Variants in KIAA0319L observed in about 807,000 individuals in gnomAD.
The protein encoded by KIAA0319L is dyslexia-associated protein KIAA0319-like protein.
Under a neutral mutation model 120.1 loss-of-function variants are expected in KIAA0319L, and 55 were observed. The ratio of observed to expected loss-of-function variants is 0.46; its 90% CI spans 0.37 to 0.57. KIAA0319L has a LOEUF of 0.57. Ranked by LOEUF, KIAA0319L falls within the 20% of genes least tolerant of loss-of-function variation. The probability of loss-of-function intolerance (pLI) is 0.00; values close to 1 mark genes in which losing one functional copy is unlikely to be tolerated. For missense variants in KIAA0319L, 1,049 were observed against 1,255.3 expected (o/e 0.84, Z 2.48); for synonymous variants, 398 against 471.9 (o/e 0.84, Z 2.03).
At chr1:35,436,640 A>G (rs570330765) in intron 20 of KIAA0319L, among the ~76,000 whole-genome samples, 14 of 152,260 alleles carry the variant, frequency 9.2e-5, no homozygotes, top group Admixed American at 4.6e-4. Flanking sequence ...AAAGTTTTAG[A>G]AAAAAAATCA....
At position 35,529,983 on chromosome 1, in the gene KIAA0319L, CTT is replaced by C. The variant is rs1204726576; in HGVS notation, c.143-22850_143-22849del. On this transcript the variant is annotated intron_variant, in intron 2 of 20. Transcript: ENST00000325722. ...TATGGTATCCTATATGTCACAATGC[CTT>C]TTTTTTTTTTTTTAATCTAACTGGG... 7.3e-3 allele frequency among the ~76,000 whole-genome samples: 1,015 copies of C among 138,436 alleles called. 17 individuals are homozygous for C. The highest frequency in any genetic ancestry group is 0.02 in the African/African-American group (747 of 37,874). The allele number at this position is 138,436 out of a possible 152,430, so 90.8% of individuals were successfully genotyped here. A position where few individuals can be genotyped will look rare whatever the true frequency, so the allele number is the denominator to read the frequency against.
chr1:35,461,561 G>A (rs947048972), intron 8 of KIAA0319L, among the ~76,000 whole-genome samples: 5 of 151,986 alleles, frequency 3.3e-5, no homozygotes, highest in Admixed American at 3.3e-4. Context: ...CAAGACAGAA[G>A]GACTATATAT....
At chr1:35,480,043 T>G (rs1392920280) in intron 3 of KIAA0319L, among the ~76,000 whole-genome samples, 3 of 151,644 alleles carry the variant, frequency 2.0e-5, no homozygotes, top group African/African-American at 7.3e-5. Flanking sequence ...ATTTTTTTAT[T>G]ATTATTATTA....
At chr1:35,462,788 T>C in intron 7 of KIAA0319L, 75 bp from the exon 8 acceptor site, 1 of 1,190,276 alleles carries the variant, frequency 8.4e-7, no homozygotes, top group Non-Finnish European at 1.2e-6. Flanking sequence ...TCTGAGAGGA[T>C]TATAAATCAA....
intron 2 of KIAA0319L, among the ~76,000 whole-genome samples, chr1:35,540,703 A>G (rs1005808747): frequency 3.9e-5 from 6 of 152,190 alleles, no homozygotes; most frequent in Admixed American, 3.3e-4. Context: ...CCAGCTTGAG[A>G]CATCAAATTG....
At chr1:35,444,820 A>T (rs1641496444) in intron 16 of KIAA0319L, among the ~76,000 whole-genome samples, 1 of 152,206 alleles carries the variant, frequency 6.6e-6, no homozygotes, top group South Asian at 2.1e-4. Flanking sequence ...ACATAGCCAA[A>T]ACAATTATGA....
intron 2 of KIAA0319L, among the ~76,000 whole-genome samples, chr1:35,520,330 C>T (rs1337117046): frequency 2.0e-5 from 3 of 152,030 alleles, no homozygotes; most frequent in Non-Finnish European, 4.4e-5. Context: ...AAACTCCTGA[C>T]CTCATGATCC....
At chr1:35,512,514 A>C (rs1409491600) in intron 2 of KIAA0319L, among the ~76,000 whole-genome samples, 3 of 152,088 alleles carry the variant, frequency 2.0e-5, no homozygotes, top group Non-Finnish European at 4.4e-5. Flanking sequence ...AAAGCTGATA[A>C]ATCTCTAGTC....
intron 3 of KIAA0319L, among the ~76,000 whole-genome samples, chr1:35,479,665 G>C (rs898159156): frequency 1.3e-5 from 2 of 152,070 alleles, no homozygotes; most frequent in East Asian, 3.9e-4. Flanking sequence ...CAACACTTTG[G>C]GAGGCCAAGA....
chr1:35,440,999 AC>A (rs1461124439), intron 20 of KIAA0319L, 47 bp downstream of exon 20: 4 of 1,434,242 alleles, frequency 2.8e-6, no homozygotes, highest in Non-Finnish European at 3.9e-6. Context: ...GCAGCCTTCC[AC>A]AGAGAGAGTG....
At chr1:35,532,236 G>T (rs1487350719) in intron 2 of KIAA0319L, among the ~76,000 whole-genome samples, 1 of 145,110 alleles carries the variant, frequency 6.9e-6, no homozygotes, top group East Asian at 2.0e-4. Flanking sequence ...GTGAGACTCC[G>T]TCTCAAAAAA....
Position 35,456,824 on chromosome 1 carries a change from AAAGG to A in KIAA0319L, c.1428-587_1428-584del, listed in dbSNP as rs550382122. Among the ~76,000 whole-genome samples, 727 of 146,656 alleles carry A rather than the reference AAAGG, an allele frequency of 5.0e-3. 7 individuals are homozygous for A. Among genetic ancestry groups the A allele is most frequent in the African/African-American group, 0.017 (663 of 39,652 alleles). On this transcript the variant is annotated intron_variant, in intron 9 of 20. Transcript: ENST00000325722. ...AAACTTCATTTAAAAAAAAAAAGAA[AAAGG>A]AAGGAAGGAAGGAAGGAGAGATGGA... is the stretch of plus-strand genomic sequence containing the variant.
At chr1:35,469,426 G>C (rs1211643777) in intron 6 of KIAA0319L, among the ~76,000 whole-genome samples, 2 of 152,110 alleles carry the variant, frequency 1.3e-5, no homozygotes, top group South Asian at 4.1e-4. Flanking sequence ...AGCCTTTCAA[G>C]GGCTCCATAT....
intron 8 of KIAA0319L, among the ~76,000 whole-genome samples, chr1:35,462,188 G>A (rs940992995): frequency 1.3e-5 from 2 of 152,082 alleles, no homozygotes; most frequent in Admixed American, 6.6e-5. Context: ...TCCAGGAGGC[G>A]GCTGATGAGA....
chr1:35,462,986 G>A (rs988082411), intron 7 of KIAA0319L, among the ~76,000 whole-genome samples: 5 of 152,132 alleles, frequency 3.3e-5, no homozygotes, highest in South Asian at 2.1e-4. Context: ...GATCCCTTGC[G>A]TGTGCAGTTC....
chr1:35,453,552 C>A lies in KIAA0319L; in HGVS notation c.1913+5G>T. The stretch of plus-strand genomic sequence containing the variant: ...CAAAAATAAGGATTTTGTGTCAATA[C>A]TCACTGTGTTTTTTCCCAGAGATAT... On this transcript the variant is annotated splice_donor_5th_base_variant and intron_variant, in intron 12 of 20. Coordinates refer to ENST00000325722, the MANE Select transcript of KIAA0319L (RefSeq NM_024874.5). This position sits in a 1 kb window ranked among gnomAD's most constrained non-coding sequence, Gnocchi z 4.1. 6.2e-7 allele frequency: 1 copy of A among 1,613,952 alleles called. No individual in the cohort carries two copies. The highest frequency in any genetic ancestry group is 1.1e-5 in the South Asian group (1 of 91,064).
upstream of KIAA0319L, chr1:35,557,565 G>T: frequency 2.4e-6 from 1 of 408,834 alleles, no homozygotes; most frequent in Non-Finnish European, 4.9e-6. Context: ...AAGGAATCTG[G>T]GCCCCCAGCC....
intron 20 of KIAA0319L, chr1:35,440,407 T>C (rs1641116933): frequency 6.5e-6 from 1 of 152,760 alleles, no homozygotes; most frequent in African/African-American, 2.4e-5. Flanking sequence ...AGTCTAGCTC[T>C]CATAAACCAA....
chr1:35,503,039 C>T (rs1330290658), intron 3 of KIAA0319L, among the ~76,000 whole-genome samples: 1 of 152,136 alleles, frequency 6.6e-6, no homozygotes, highest in Non-Finnish European at 1.5e-5. Flanking sequence ...ATTTTCTTAC[C>T]TAGTTTGCCA....
Sources: allele counts gnomAD v4.1 joint callset (sites outside exome capture counted in the v4.1 genomes callset), GRCh38; gene constraint gnomAD v4.1.1; non-coding constraint Gnocchi (gnomAD v3.1); transcripts MANE v1.5; gene names NCBI Gene and HGNC (gene_info 2026-07-23, HGNC 2026-07-21).